Variants in FGF9 observed in about 807,000 individuals in gnomAD.
FGF9 encodes the protein fibroblast growth factor 9 (glia-activating factor).
A neutral mutation model predicts 19.9 loss-of-function variants in FGF9; 3 were observed. That is an observed-to-expected ratio of 0.15 (90% CI 0.07 to 0.39). The LOEUF (loss-of-function observed/expected upper bound fraction) is 0.39, where lower values mean the gene tolerates loss of function less well. Among genes scored for constraint, FGF9 ranks in the 10% least tolerant of loss-of-function variants. The pLI is 1.00. For missense variants in FGF9, 175 were observed against 256.8 expected (o/e 0.68, Z 2.18); for synonymous variants, 107 against 106.9 (o/e 1.00, Z -0.01).
rs778769503 is a variant in FGF9, at chr13:21,671,868, C to T, written c.-45C>T. 5.6e-6 allele frequency: 9 copies of T among 1,611,714 alleles called. No individual in the cohort carries two copies. The East Asian group carries it at 1.6e-4, about 28-fold the overall frequency. ...TCGCCTAATATCTCCTGGGTTGACACCATCATTATTGTTTATTCTTGTGCT... is the reference window on the plus strand; with the variant it reads ...TCGCCTAATATCTCCTGGGTTGACATCATCATTATTGTTTATTCTTGTGCT... On this transcript the variant is annotated 5_prime_UTR_variant, in exon 1 of 3. Coordinates refer to ENST00000382353, the MANE Select transcript of FGF9 (RefSeq NM_002010.3).
rs1871800342 is a variant in FGF9, at chr13:21,672,824, G to C, written c.277+635G>C. 6.6e-6 allele frequency among the ~76,000 whole-genome samples: 1 copy of C among 152,198 alleles called. No individual in the cohort carries two copies. The highest frequency in any genetic ancestry group is 2.4e-5 in the African/African-American group (1 of 41,456). ...ACTTGGGAAGAGGCAGGGCGCTCAGGGGTTTTTGTCCTTCCAGCTATCAAG... is the reference window on the plus strand; with the variant it reads ...ACTTGGGAAGAGGCAGGGCGCTCAGCGGTTTTTGTCCTTCCAGCTATCAAG... On this transcript the variant is annotated intron_variant, in intron 1 of 2. Transcript: ENST00000382353. The surrounding 1 kb of genome is among the most constrained non-coding windows in gnomAD (Gnocchi z 4.2).
intron 1 of FGF9, among the ~76,000 whole-genome samples, chr13:21,676,987 G>A (rs1475245492): frequency 1.3e-5 from 2 of 152,186 alleles, no homozygotes; most frequent in African/African-American, 4.8e-5. Flanking sequence ...GTCCGGTGTG[G>A]TGATTTTCCT....
chr13:21,699,255 G>A (rs1354736840), intron 2 of FGF9, among the ~76,000 whole-genome samples: 1 of 152,192 alleles, frequency 6.6e-6, no homozygotes, highest in Non-Finnish European at 1.5e-5. Flanking sequence ...AGTTTGGGGT[G>A]GGGCTTGGTT....
intron 2 of FGF9, among the ~76,000 whole-genome samples, chr13:21,681,602 T>A (rs945243705): frequency 1.3e-5 from 2 of 152,228 alleles, no homozygotes; most frequent in African/African-American, 4.8e-5. Context: ...TGTCAGATAT[T>A]TTTGTACGTG....
intron 2 of FGF9, among the ~76,000 whole-genome samples, chr13:21,694,153 G>T (rs1032309216): frequency 5.3e-5 from 8 of 152,014 alleles, no homozygotes; most frequent in African/African-American, 1.9e-4. Flanking sequence ...AATGTTAATC[G>T]ACTCACCCAC....
rs948483531 is a variant in FGF9, at chr13:21,671,267, A to G, written c.-646A>G. 7.2e-6 allele frequency: 2 copies of G among 278,884 alleles called. No homozygotes were observed. Among genetic ancestry groups the G allele is most frequent in the Non-Finnish European group, 1.3e-5 (2 of 151,538 alleles). 17.3% of individuals were successfully genotyped at this position (278,884 alleles called of 1,614,324 possible). A position where few individuals can be genotyped will look rare whatever the true frequency, so the allele number is the denominator to read the frequency against. ...CTGCCGAGCCTCTGGAGAATCCTGGATACTAGCTTTGGACGCCTAAAGTTT... is the reference window on the plus strand; with the variant it reads ...CTGCCGAGCCTCTGGAGAATCCTGGGTACTAGCTTTGGACGCCTAAAGTTT... On this transcript the variant is annotated 5_prime_UTR_variant, in exon 1 of 3. Transcript: ENST00000382353.
chr13:21,701,286 A>C lies in FGF9; in HGVS notation c.478A>C (p.Arg160=). Residue 160 remains arginine, a synonymous_variant, in exon 3 of 3, where the codon AGG becomes CGG. Coordinates refer to ENST00000382353, the MANE Select transcript of FGF9 (RefSeq NM_002010.3). ...CCTATATAAGCACGTGGACACTGGA[A>C]GGCGATACTATGTTGCATTAAATAA... ...SNLYKHVDTG[R]RYYVALNKDG... The C allele has an allele frequency of 6.2e-7, 1 of 1,614,162 alleles. No homozygotes were observed. The highest frequency in any genetic ancestry group is 8.5e-7 in the Non-Finnish European group (1 of 1,180,002).
At position 21,674,890 on chromosome 13, in the gene FGF9, T is replaced by G. The variant is rs1156847614; in HGVS notation, c.277+2701T>G. ...GGATGAGGACAGCGGCGGGCTACAG[T>G]GGCTCAATAGAAACCGTTAAACAAA... On this transcript the variant is annotated intron_variant, in intron 1 of 2. Coordinates refer to ENST00000382353, the MANE Select transcript of FGF9 (RefSeq NM_002010.3). Among the ~76,000 whole-genome samples, 3 of 151,320 alleles carry G rather than the reference T, an allele frequency of 2.0e-5. No individual in the cohort carries two copies. The East Asian group carries it at 5.9e-4, about 30-fold the overall frequency.
At chr13:21,701,112 T>G in intron 2 of FGF9, 78 bp from the exon 3 acceptor site, 1 of 1,205,672 alleles carries the variant, frequency 8.3e-7, no homozygotes, top group Admixed American at 1.9e-5. Flanking sequence ...GCTGCACCTA[T>G]CAATCCATCC....
chr13:21,686,987 G>A (rs968653121), intron 2 of FGF9, among the ~76,000 whole-genome samples: 3 of 152,300 alleles, frequency 2.0e-5, no homozygotes, highest in South Asian at 2.1e-4. Context: ...CTTTGCAGCC[G>A]TTCCTAGCCT....
At chr13:21,693,849 C>A (rs1185191687) in intron 2 of FGF9, among the ~76,000 whole-genome samples, 1 of 152,188 alleles carries the variant, frequency 6.6e-6, no homozygotes, top group Non-Finnish European at 1.5e-5. Context: ...TCATTCTCTG[C>A]CGCCTTCTGG....
rs1483843137 is a variant in FGF9, at chr13:21,701,983, GTAAAAAATAAAAAAAAA to G, written c.*562_*578del. ...GTGAACTTAAAGCAAAGACCTCTTA[GTAAAAAATAAAAAAAAA>G]TAAAAAATAAAAATAAAAAAAGTTA... On this transcript the variant is annotated 3_prime_UTR_variant, in exon 3 of 3. Transcript: ENST00000382353. 2 of 148,038 alleles carry G rather than the reference GTAAAAAATAAAAAAAAA, an allele frequency of 1.4e-5. No homozygotes were observed. The highest frequency in any genetic ancestry group is 3.0e-5 in the Non-Finnish European group (2 of 67,246). The allele number at this position is 148,038 out of a possible 1,614,324, so 9.2% of individuals were successfully genotyped here.
rs562759888 is a variant in FGF9 at position 21,691,637 on chromosome 13, C to T, written c.382-9553C>T. On this transcript the variant is annotated intron_variant, in intron 2 of 2. Transcript: ENST00000382353. The surrounding 1 kb of genome is among the most constrained non-coding windows in gnomAD (Gnocchi z 4.2). The stretch of plus-strand genomic sequence containing the variant: ...GGGGCTGTCGTTCAGCGTCCTGGCC[C>T]GAGAGATGCCCTCCATCCTTACAAA... Among the ~76,000 whole-genome samples the T allele has an allele frequency of 1.3e-5, 2 of 152,330 alleles. No homozygotes were observed. Among genetic ancestry groups the T allele is most frequent in the South Asian group, 2.1e-4 (1 of 4,822 alleles).
chr13:21,679,782 C>CAAAAAAAAAA (rs760146847), intron 1 of FGF9, among the ~76,000 whole-genome samples: 7 of 52,174 alleles, frequency 1.3e-4, no homozygotes, highest in Admixed American at 2.0e-4. Flanking sequence ...ACTAAAAATA[C>CAAAAAAAAAA]AAAAAAAAAA....
chr13:21,682,022 T>C (rs568735522), intron 2 of FGF9, among the ~76,000 whole-genome samples: 2 of 152,040 alleles, frequency 1.3e-5, no homozygotes, highest in African/African-American at 4.8e-5. Flanking sequence ...TTCTTTTTTT[T>C]TTTTTTGAGA....
In FGF9 at chr13:21,672,192, AG is replaced by A; in HGVS notation, c.277+5del. ...CAGGAAAGACCACAGCCGATTTGGT[AG>A]GTATACCATTAACCCTTTAGTGTCC... On this transcript the variant is annotated splice_donor_region_variant and intron_variant, in intron 1 of 2. Transcript: ENST00000382353. This position sits in a 1 kb window ranked among gnomAD's most constrained non-coding sequence, Gnocchi z 4.2. 6.2e-7 allele frequency: 1 copy of A among 1,614,120 alleles called. No individual in the cohort carries two copies. Among genetic ancestry groups the A allele is most frequent in the Non-Finnish European group, 8.5e-7 (1 of 1,179,960 alleles).
At position 21,681,113 on chromosome 13, in the gene FGF9, G is replaced by A. The variant is rs2138133986; in HGVS notation, c.349G>A (p.Gly117Arg). ...AGGCGTGGACAGTGGACTCTACCTCGGGATGAATGAGAAGGGGGAGCTGTA... is the reference window on the plus strand; with the variant it reads ...AGGCGTGGACAGTGGACTCTACCTCAGGATGAATGAGAAGGGGGAGCTGTA... ...IRGVDSGLYL[G>R]MNEKGELYGS... Residue 117 changes from glycine to arginine, a missense_variant, in exon 2 of 3, where the codon GGG becomes AGG. Gly to Arg is a moderately radical substitution (Grantham distance 125). Around this residue, in one of 3 missense-constraint regions of FGF9, gnomAD observed 101 missense variants for 160.7 expected, o/e 0.63. Transcript: ENST00000382353. The A allele has an allele frequency of 1.2e-6, 2 of 1,613,794 alleles. No individual in the cohort carries two copies. The highest frequency in any genetic ancestry group is 1.7e-6 in the Non-Finnish European group (2 of 1,179,768).
At chr13:21,699,687 A>C (rs1470791168) in intron 2 of FGF9, among the ~76,000 whole-genome samples, 1 of 152,160 alleles carries the variant, frequency 6.6e-6, no homozygotes, top group East Asian at 1.9e-4. Context: ...CCTTAACTAC[A>C]TACTTGGAAA....
intron 2 of FGF9, among the ~76,000 whole-genome samples, chr13:21,697,262 C>T (rs534180806): frequency 6.6e-4 from 101 of 152,276 alleles, no homozygotes; most frequent in African/African-American, 2.3e-3. Flanking sequence ...GACCTTCCTG[C>T]CTCAGCCTCC....
Sources: allele counts gnomAD v4.1 joint callset (sites outside exome capture counted in the v4.1 genomes callset), GRCh38; gene constraint gnomAD v4.1.1; regional missense constraint gnomAD v4.1.1; non-coding constraint Gnocchi (gnomAD v3.1); transcripts MANE v1.5; gene names NCBI Gene and HGNC (gene_info 2026-07-23, HGNC 2026-07-21).